Variants in FERRY3 observed in about 807,000 individuals in gnomAD.
The protein encoded by FERRY3 is protein C12orf4.
chr12:4,493,448 T>C, the FERRY3 span, among the ~76,000 whole-genome samples: 4 of 152,138 alleles, frequency 2.6e-5, no homozygotes, highest in Non-Finnish European at 1.5e-5. Context: ...AGAAATAGGG[T>C]TTAATAGGAA....
chr12:4,508,425 C>A, the FERRY3 span, among the ~76,000 whole-genome samples: 3 of 152,132 alleles, frequency 2.0e-5, no homozygotes, highest in Non-Finnish European at 4.4e-5. Flanking sequence ...ATTTCCTGGG[C>A]ACCAATATCA....
At chr12:4,517,038 T>C in the FERRY3 span, 221 of 1,508,734 alleles carry the variant, frequency 1.5e-4, 1 homozygote, top group African/African-American at 2.6e-3. Context: ...AGACAGAATA[T>C]AATAAAAGTG....
At chr12:4,526,466 T>TAACA in the FERRY3 span, among the ~76,000 whole-genome samples, 1 of 152,206 alleles carries the variant, frequency 6.6e-6, no homozygotes, top group Admixed American at 6.5e-5. Context: ...AACAAATTTC[T>TAACA]AACAAACTGG....
the FERRY3 span, among the ~76,000 whole-genome samples, chr12:4,495,466 T>G: frequency 5.2e-3 from 790 of 152,288 alleles, 7 homozygotes; most frequent in African/African-American, 0.018. Context: ...CTTGAATTAT[T>G]TCAGGCTAAG....
the FERRY3 span, among the ~76,000 whole-genome samples, chr12:4,501,173 C>CT: frequency 6.6e-6 from 1 of 152,198 alleles, no homozygotes; most frequent in Non-Finnish European, 1.5e-5. Flanking sequence ...CAGCCCACAT[C>CT]TGAGTATTCC....
the FERRY3 span, among the ~76,000 whole-genome samples, chr12:4,519,108 A>G: frequency 6.6e-5 from 10 of 152,336 alleles, no homozygotes; most frequent in Admixed American, 6.5e-4. The surrounding 1 kb of genome is among the most constrained non-coding windows in gnomAD (Gnocchi z 4.3). Flanking sequence ...ATTATTTTCA[A>G]TCATTATAAT....
chr12:4,506,003 T>A, the FERRY3 span, among the ~76,000 whole-genome samples: 6 of 152,166 alleles, frequency 3.9e-5, no homozygotes, highest in Non-Finnish European at 7.4e-5. Context: ...TTTTTTCAGA[T>A]ATTTAACAGT....
chr12:4,513,716 G>T, the FERRY3 span, among the ~76,000 whole-genome samples: 3,825 of 152,056 alleles, frequency 0.025, 61 homozygotes, highest in East Asian at 0.045. Context: ...ACTGGATCCC[G>T]TCCTTACACC....
the FERRY3 span, among the ~76,000 whole-genome samples, chr12:4,498,284 T>C: frequency 6.6e-6 from 1 of 152,234 alleles, no homozygotes; most frequent in Non-Finnish European, 1.5e-5. Flanking sequence ...GCAGGAATGT[T>C]TGGATGAATT....
the FERRY3 span, among the ~76,000 whole-genome samples, chr12:4,528,978 A>G: frequency 6.6e-6 from 1 of 151,770 alleles, no homozygotes; most frequent in Non-Finnish European, 1.5e-5. Context: ...CTCACAATCA[A>G]AGCAACACTA....
At chr12:4,519,804 C>T in the FERRY3 span, among the ~76,000 whole-genome samples, 28 of 152,264 alleles carry the variant, frequency 1.8e-4, no homozygotes, top group Middle Eastern at 6.8e-3. The surrounding 1 kb of genome is among the most constrained non-coding windows in gnomAD (Gnocchi z 4.3). Context: ...TTGTGAACTG[C>T]GCATGCAAGC....
chr12:4,521,001 T>A, the FERRY3 span, among the ~76,000 whole-genome samples: 1 of 152,108 alleles, frequency 6.6e-6, no homozygotes, highest in East Asian at 1.9e-4. Context: ...TTTCTGGACA[T>A]AAATACTATT....
At chr12:4,531,783 A>C in the FERRY3 span, among the ~76,000 whole-genome samples, 1 of 152,170 alleles carries the variant, frequency 6.6e-6, no homozygotes, top group East Asian at 1.9e-4. Context: ...ATTCCTGTAA[A>C]GCTTTGGCAC....
chr12:4,500,533 A>G, the FERRY3 span, among the ~76,000 whole-genome samples: 2 of 151,936 alleles, frequency 1.3e-5, no homozygotes, highest in Non-Finnish European at 2.9e-5. Context: ...TGAAAATAAG[A>G]GACAATAGCC....
At chr12:4,501,637 T>G in the FERRY3 span, among the ~76,000 whole-genome samples, 1 of 152,190 alleles carries the variant, frequency 6.6e-6, no homozygotes, top group Non-Finnish European at 1.5e-5. Context: ...CCTGATGATC[T>G]GTCACTGTCT....
the FERRY3 span, chr12:4,518,026 T>G: frequency 6.4e-7 from 1 of 1,571,402 alleles, no homozygotes; most frequent in South Asian, 1.1e-5. Context: ...GGATGAAATT[T>G]AACAAAATAA....
the FERRY3 span, chr12:4,505,425 A>G: frequency 7.7e-7 from 1 of 1,297,878 alleles, no homozygotes. Context: ...ACAACATATG[A>G]GAATATGTTA....
the FERRY3 span, among the ~76,000 whole-genome samples, chr12:4,517,592 T>C: frequency 1.3e-5 from 2 of 150,518 alleles, no homozygotes; most frequent in African/African-American, 4.9e-5. Flanking sequence ...ACATTTTATA[T>C]ATTTACAAAT....
the FERRY3 span, among the ~76,000 whole-genome samples, chr12:4,507,999 A>AT: frequency 6.6e-6 from 1 of 152,200 alleles, no homozygotes; most frequent in Non-Finnish European, 1.5e-5. Flanking sequence ...TGAATTGTGA[A>AT]TTTTGAGAGT....
Sources: gnomAD v4.1 joint callset for allele counts (sites outside exome capture counted in the v4.1 genomes callset) on GRCh38, gnomAD v4.1.1 for gene constraint, Gnocchi (gnomAD v3.1) non-coding constraint, MANE v1.5 for transcripts, NCBI Gene and HGNC (gene_info 2026-07-23, HGNC 2026-07-21) for gene names.